Variants in CTNNA3 observed in about 807,000 individuals in gnomAD.
The protein encoded by CTNNA3 is catenin alpha-3.
A neutral mutation model predicts 95.7 loss-of-function variants in CTNNA3; 76 were observed. That is an observed-to-expected ratio of 0.79 (90% CI 0.66 to 0.96). The LOEUF (loss-of-function observed/expected upper bound fraction) is 0.96. CTNNA3 is among the 40% of genes least tolerant of loss of function. CTNNA3 has a pLI of 0.00. For missense variants in CTNNA3, 1,191 were observed against 1,089.8 expected (o/e 1.09, Z -1.31); for synonymous variants, 431 against 374.4 (o/e 1.15, Z -1.74).
rs184516477 is a variant in CTNNA3, at chr10:66,648,504, C to T, written c.1282-26720G>A. 1.4e-4 allele frequency among the ~76,000 whole-genome samples: 21 copies of T among 152,190 alleles called. No individual in the cohort carries two copies. The East Asian group carries it at 2.9e-3, about 21-fold the overall frequency. On this transcript the variant is annotated intron_variant, in intron 9 of 17. Coordinates refer to ENST00000433211, the MANE Select transcript of CTNNA3 (RefSeq NM_013266.4). Reference sequence around the variant, plus strand: ...GTAGCCATGATCTCTAAAAAAGAGTCGAATATGCGAATCCTACCTAAAGAC... The same window carrying T: ...GTAGCCATGATCTCTAAAAAAGAGTTGAATATGCGAATCCTACCTAAAGAC...
chr10:66,512,741 C>T (rs1840705555), intron 11 of CTNNA3, among the ~76,000 whole-genome samples: 1 of 152,048 alleles, frequency 6.6e-6, no homozygotes, highest in Non-Finnish European at 1.5e-5. Context: ...TTTTATGTCT[C>T]CTTCATTTCT....
At chr10:67,219,496 A>AT (rs1448858029) in intron 6 of CTNNA3, 111 bp downstream of exon 6, 13 of 1,244,096 alleles carry the variant, frequency 1.0e-5, no homozygotes, top group South Asian at 1.8e-5. Flanking sequence ...ACTAATCTGG[A>AT]TTTTTTATTT....
chr10:66,752,815 T>A (rs536381142), intron 9 of CTNNA3, among the ~76,000 whole-genome samples: 3 of 152,104 alleles, frequency 2.0e-5, no homozygotes, highest in African/African-American at 7.2e-5. Context: ...GATGACATGA[T>A]CTTGTATATA....
intron 9 of CTNNA3, among the ~76,000 whole-genome samples, chr10:66,662,881 C>T (rs971973336): frequency 3.3e-5 from 5 of 152,036 alleles, no homozygotes; most frequent in African/African-American, 1.2e-4. Context: ...AGTATAATTT[C>T]ATTTATTTGT....
intron 5 of CTNNA3, among the ~76,000 whole-genome samples, chr10:67,455,731 C>A (rs2132977571): frequency 6.6e-6 from 1 of 152,216 alleles, no homozygotes; most frequent in East Asian, 1.9e-4. Context: ...AATGCCTGAC[C>A]AGACCAGTAT....
intron 5 of CTNNA3, among the ~76,000 whole-genome samples, chr10:67,326,134 T>G (rs1841529802): frequency 6.6e-6 from 1 of 152,202 alleles, no homozygotes; most frequent in African/African-American, 2.4e-5. Flanking sequence ...GCATGTGAGA[T>G]GGGTCTCTTG....
At chr10:66,452,970 C>A (rs2093474140) in intron 11 of CTNNA3, among the ~76,000 whole-genome samples, 1 of 152,134 alleles carries the variant, frequency 6.6e-6, no homozygotes, top group African/African-American at 2.4e-5. Flanking sequence ...AATCCCAACA[C>A]TTTCAGAGGC....
Position 66,857,826 on chromosome 10 carries a change from G to A in CTNNA3, c.1048-82302C>T, listed in dbSNP as rs572739790. Among the ~76,000 whole-genome samples the A allele has an allele frequency of 4.8e-4, 73 of 152,106 alleles. 1 individual carries two copies. Among genetic ancestry groups the A allele is most frequent in the Middle Eastern group, 3.4e-3 (1 of 294 alleles). ...TGGGAAGACACTGTGGGATTTTCTA[G>A]ATATAGAATCATATTGTCTGCAAAC... On this transcript the variant is annotated intron_variant, in intron 7 of 17. Transcript: ENST00000433211.
At chr10:66,443,787 A>G (rs937310028) in intron 11 of CTNNA3, among the ~76,000 whole-genome samples, 1 of 152,204 alleles carries the variant, frequency 6.6e-6, no homozygotes, top group Admixed American at 6.5e-5. Context: ...CCAAAGGAAC[A>G]CAGCTCCTCA....
chr10:66,988,649 C>T (rs1196005288), intron 7 of CTNNA3, among the ~76,000 whole-genome samples: 1 of 152,006 alleles, frequency 6.6e-6, no homozygotes, highest in Non-Finnish European at 1.5e-5. Context: ...CTTCTGATTG[C>T]CAAAACCAAC....
At chr10:66,163,497 G>A (rs564349828) in intron 13 of CTNNA3, among the ~76,000 whole-genome samples, 269 of 152,232 alleles carry the variant, frequency 1.8e-3, no homozygotes, top group Non-Finnish European at 1.0e-3. Flanking sequence ...GTGGGGGTGC[G>A]TGTTTGAGAG....
At chr10:66,339,891 C>A (rs1017243373) in intron 12 of CTNNA3, among the ~76,000 whole-genome samples, 3 of 151,730 alleles carry the variant, frequency 2.0e-5, no homozygotes, top group African/African-American at 4.8e-5. Flanking sequence ...CTCCCTGCTT[C>A]TAATACCCAT....
intron 10 of CTNNA3, among the ~76,000 whole-genome samples, chr10:66,578,185 A>T (rs1843065576): frequency 6.6e-6 from 1 of 152,004 alleles, no homozygotes; most frequent in Non-Finnish European, 1.5e-5. Context: ...ATACTCTGAA[A>T]CTTTACTAAG....
At chr10:67,276,053 A>G (rs1839171933) in intron 5 of CTNNA3, among the ~76,000 whole-genome samples, 1 of 152,188 alleles carries the variant, frequency 6.6e-6, no homozygotes, top group Non-Finnish European at 1.5e-5. Context: ...AAAAATGTTC[A>G]GATAATACTA....
At chr10:66,764,716 T>C (rs1357347784) in intron 9 of CTNNA3, among the ~76,000 whole-genome samples, 1 of 152,228 alleles carries the variant, frequency 6.6e-6, no homozygotes, top group Non-Finnish European at 1.5e-5. Context: ...TTATGTCTTT[T>C]ACAACCTGTT....
chr10:66,762,496 A>G (rs1467105242), intron 9 of CTNNA3, among the ~76,000 whole-genome samples: 1 of 151,826 alleles, frequency 6.6e-6, no homozygotes, highest in African/African-American at 2.4e-5. Flanking sequence ...GGGTTTTATA[A>G]CCATCATTAC....
At chr10:66,772,428 C>CA (rs200040278) in intron 8 of CTNNA3, among the ~76,000 whole-genome samples, 73 of 35,746 alleles carry the variant, frequency 2.0e-3, no homozygotes, top group Middle Eastern at 0.013. Flanking sequence ...CTGTCTCAAA[C>CA]AAAAAAAAAA....
At position 66,461,621 on chromosome 10, in the gene CTNNA3, A is replaced by G. The variant is rs369429896; in HGVS notation, c.1531+58996T>C. Among the ~76,000 whole-genome samples, 63 of 151,236 alleles carry G rather than the reference A, an allele frequency of 4.2e-4. 1 individual carries two copies. In the South Asian group the frequency reaches 0.013, roughly 31 times the overall value. On this transcript the variant is annotated intron_variant, in intron 11 of 17. Transcript: ENST00000433211. ...TCGGTGCTTATAATCAGCATCTTATATAATAAGGAGATATCATTATTTCAC... is the reference window on the plus strand; with the variant it reads ...TCGGTGCTTATAATCAGCATCTTATGTAATAAGGAGATATCATTATTTCAC...
At chr10:67,655,380 T>C (rs1291772992) in intron 1 of CTNNA3, among the ~76,000 whole-genome samples, 2 of 152,182 alleles carry the variant, frequency 1.3e-5, no homozygotes, top group African/African-American at 4.8e-5. Flanking sequence ...AATGTTAACC[T>C]TTGCCTAATA....
Sources: allele counts gnomAD v4.1 joint callset (sites outside exome capture counted in the v4.1 genomes callset), GRCh38; gene constraint gnomAD v4.1.1; transcripts MANE v1.5; gene names NCBI Gene and HGNC (gene_info 2026-07-23, HGNC 2026-07-21).